Variants in PRICKLE2 observed in about 807,000 individuals in gnomAD.
PRICKLE2 encodes prickle-like protein 2.
Under a neutral mutation model 81.4 loss-of-function variants are expected in PRICKLE2, and 21 were observed. The ratio of observed to expected loss-of-function variants is 0.26; its 90% CI spans 0.18 to 0.37. PRICKLE2 has a LOEUF of 0.37. PRICKLE2 is among the 10% of genes least tolerant of loss of function. PRICKLE2 has a pLI of 1.00. For missense variants in PRICKLE2, 940 were observed against 1,109.0 expected (o/e 0.85, Z 2.16); for synonymous variants, 456 against 421.5 (o/e 1.08, Z -1.00).
chr3:64,198,922 C>G lies in PRICKLE2; in HGVS notation c.6G>C (p.Val2=). The G allele has an allele frequency of 6.2e-7, 1 of 1,614,160 alleles. No homozygotes were observed. The highest frequency in any genetic ancestry group is 8.5e-7 in the Non-Finnish European group (1 of 1,180,042). M[V]TVMPLEMEKT... is the part of the protein sequence containing the mutation. Reference sequence around the variant, plus strand: ...TCTCCATCTCCAGCGGCATCACTGTCACCATGTGCTCCTCCTGGGGACACT... The same window carrying G: ...TCTCCATCTCCAGCGGCATCACTGTGACCATGTGCTCCTCCTGGGGACACT... The change falls in exon 2 of 8, where the codon GTG becomes GTC. Residue 2 remains valine, a synonymous_variant. Transcript: ENST00000638394.
intron 7 of PRICKLE2, among the ~76,000 whole-genome samples, chr3:64,132,233 C>T (rs909838557): frequency 5.5e-4 from 83 of 152,196 alleles, no homozygotes; most frequent in African/African-American, 2.0e-3. Context: ...TGCAACTTAT[C>T]ACAATCTGTC....
intron 2 of PRICKLE2, among the ~76,000 whole-genome samples, chr3:64,266,201 GAA>G (rs5849582): frequency 1.3e-3 from 194 of 146,682 alleles, no homozygotes; most frequent in Non-Finnish European, 1.6e-3. Flanking sequence ...CACCGCAAAA[GAA>G]AAAAAAAAAA....
intron 5 of PRICKLE2, 85 bp from the exon 6 acceptor site, chr3:64,153,453 T>A: frequency 7.6e-7 from 1 of 1,320,020 alleles, no homozygotes; most frequent in Non-Finnish European, 1.1e-6. Flanking sequence ...GTCCTTGAAC[T>A]AGAAGGGTAA....
At chr3:64,144,460 G>T (rs2077411785) in intron 7 of PRICKLE2, among the ~76,000 whole-genome samples, 1 of 152,220 alleles carries the variant, frequency 6.6e-6, no homozygotes, top group South Asian at 2.1e-4. Flanking sequence ...AAGGTTAGGT[G>T]GATACATAAA....
chr3:64,107,251 T>C (rs1279303209), intron 7 of PRICKLE2, among the ~76,000 whole-genome samples: 2 of 152,168 alleles, frequency 1.3e-5, no homozygotes, highest in East Asian at 1.9e-4. Context: ...TACACTGGCA[T>C]TTCTGTCTGA....
chr3:64,183,176 T>C (rs764824968), intron 2 of PRICKLE2, among the ~76,000 whole-genome samples: 1 of 152,134 alleles, frequency 6.6e-6, no homozygotes, highest in African/African-American at 2.4e-5. Flanking sequence ...GTTAGTATTA[T>C]AGAAACCAGA....
intron 7 of PRICKLE2, among the ~76,000 whole-genome samples, chr3:64,115,550 T>C (rs995427552): frequency 2.0e-5 from 3 of 152,172 alleles, no homozygotes; most frequent in Non-Finnish European, 4.4e-5. Flanking sequence ...GTTGCAATCC[T>C]AGTTTCTGAC....
At chr3:64,185,195 G>A (rs2078202461) in intron 2 of PRICKLE2, among the ~76,000 whole-genome samples, 1 of 152,134 alleles carries the variant, frequency 6.6e-6, no homozygotes. Context: ...CAGTGAGGAT[G>A]GAGACACCAC....
chr3:64,139,649 A>C (rs2077330160), intron 7 of PRICKLE2, among the ~76,000 whole-genome samples: 1 of 152,168 alleles, frequency 6.6e-6, no homozygotes, highest in Non-Finnish European at 1.5e-5. Context: ...TGACATTTTA[A>C]GGGTTTTCCG....
chr3:64,093,206 C>T lies in PRICKLE2; in HGVS notation c.*5845G>A, dbSNP rs2076527413. On this transcript the variant is annotated 3_prime_UTR_variant, in exon 8 of 8. Transcript: ENST00000638394. ...TGTAGCATGTGTCAGAATTTCCTTC[C>T]GTTTTAAGGCTGAATAATATTCCAT... The T allele has an allele frequency of 1.2e-5, 2 of 163,352 alleles. No homozygotes were observed. The highest frequency in any genetic ancestry group is 1.9e-4 in the South Asian group (1 of 5,312). 10.1% of individuals were successfully genotyped at this position (163,352 alleles called of 1,614,324 possible).
At chr3:64,244,861 G>A (rs2079323180) in intron 2 of PRICKLE2, among the ~76,000 whole-genome samples, 1 of 152,130 alleles carries the variant, frequency 6.6e-6, no homozygotes, top group South Asian at 2.1e-4. Flanking sequence ...TACTGCGGTT[G>A]TGGGTAGACC....
chr3:64,110,032 G>A (rs2076818184), intron 7 of PRICKLE2, among the ~76,000 whole-genome samples: 1 of 152,214 alleles, frequency 6.6e-6, no homozygotes, highest in African/African-American at 2.4e-5. Flanking sequence ...TAAAAGTGAA[G>A]GAGGAAACCA....
chr3:64,214,226 T>C (rs971080193), intron 1 of PRICKLE2, among the ~76,000 whole-genome samples: 7 of 152,064 alleles, frequency 4.6e-5, no homozygotes, highest in African/African-American at 1.7e-4. Context: ...ATATCTGTGC[T>C]GAAGTGCTGG....
chr3:64,191,513 T>C (rs888816523), intron 2 of PRICKLE2, among the ~76,000 whole-genome samples: 3 of 152,194 alleles, frequency 2.0e-5, no homozygotes, highest in African/African-American at 4.8e-5. Flanking sequence ...AGCTGTGTGA[T>C]CTTGGGCAAG....
At chr3:64,187,884 C>T (rs180792158) in intron 2 of PRICKLE2, among the ~76,000 whole-genome samples, 81 of 152,348 alleles carry the variant, frequency 5.3e-4, no homozygotes, top group Non-Finnish European at 1.0e-3. Context: ...GTATAATTCA[C>T]GGTCCTGCAG....
rs773059932 is a variant in PRICKLE2 at position 64,099,690 on chromosome 3, G to T, written c.1896C>A (p.Asp632Glu). Residue 632 changes from aspartate to glutamate, a missense_variant, in exon 8 of 8, where the codon GAC (aspartate) becomes GAA (glutamate). Physicochemically the swap from Asp to Glu is conservative, Grantham distance 45. Coordinates refer to ENST00000638394, the MANE Select transcript of PRICKLE2 (RefSeq NM_198859.4). The surrounding 1 kb of genome is among the most constrained non-coding windows in gnomAD (Gnocchi z 4.3). ...HQLSNPIGYR[D>E]LQSHGRMHQS... The stretch of plus-strand genomic sequence containing the variant: ...GATGCATCCTTCCGTGGGACTGCAG[G>T]TCTCTGTAGCCAATGGGGTTGCTGA... The T allele has an allele frequency of 3.1e-6, 5 of 1,614,200 alleles. No individual in the cohort carries two copies. Among genetic ancestry groups the T allele is most frequent in the South Asian group, 2.2e-5 (2 of 91,088 alleles).
chr3:64,115,161 G>T (rs1361801484), intron 7 of PRICKLE2, among the ~76,000 whole-genome samples: 1 of 152,176 alleles, frequency 6.6e-6, no homozygotes, highest in Non-Finnish European at 1.5e-5. Context: ...GAGGGAATTT[G>T]TTCCCACTAG....
chr3:64,176,127 TA>T (rs1375111815), intron 2 of PRICKLE2, among the ~76,000 whole-genome samples: 4 of 152,176 alleles, frequency 2.6e-5, no homozygotes, highest in Admixed American at 2.0e-4. Flanking sequence ...AGAGTTTTAC[TA>T]GAAGTACTAA....
intron 1 of PRICKLE2, among the ~76,000 whole-genome samples, chr3:64,201,585 G>T (rs1430838520): frequency 6.6e-6 from 1 of 151,652 alleles, no homozygotes; most frequent in Non-Finnish European, 1.5e-5. Context: ...TTTTTTCATT[G>T]GGTTGTGTTC....
Sources: allele counts gnomAD v4.1 joint callset (sites outside exome capture counted in the v4.1 genomes callset), GRCh38; gene constraint gnomAD v4.1.1; non-coding constraint Gnocchi (gnomAD v3.1); transcripts MANE v1.5; gene names NCBI Gene and HGNC (gene_info 2026-07-23, HGNC 2026-07-21).